Variants in KCTD16 observed in about 807,000 individuals in gnomAD.
KCTD16 encodes the protein potassium channel tetramerization domain containing 16, also known as BTB/POZ domain-containing protein KCTD16.
KCTD16 carries 13 observed loss-of-function variants against 33.2 expected under a neutral mutation model. The ratio of observed to expected loss-of-function variants is 0.39; its 90% CI spans 0.25 to 0.62. The LOEUF (loss-of-function observed/expected upper bound fraction) is 0.62, where lower values mean the gene tolerates loss of function less well. Among genes scored for constraint, KCTD16 ranks in the 20% least tolerant of loss-of-function variants. The pLI is 0.50. For missense variants in KCTD16, 441 were observed against 525.1 expected (o/e 0.84, Z 1.57); for synonymous variants, 197 against 195.3 (o/e 1.01, Z -0.07).
At chr5:144,340,091 G>A (rs781612197) in intron 3 of KCTD16, among the ~76,000 whole-genome samples, 7 of 152,094 alleles carry the variant, frequency 4.6e-5, no homozygotes, top group African/African-American at 1.7e-4. Context: ...GAAGCAGAGG[G>A]CAGGTAAGAT....
chr5:144,241,782 G>A (rs1754411204), intron 3 of KCTD16, among the ~76,000 whole-genome samples: 1 of 152,136 alleles, frequency 6.6e-6, no homozygotes, highest in South Asian at 2.1e-4. Context: ...ATTAACTCAT[G>A]TTCTTTCAAG....
intron 3 of KCTD16, among the ~76,000 whole-genome samples, chr5:144,454,994 T>C (rs1282926965): frequency 6.6e-6 from 1 of 152,098 alleles, no homozygotes; most frequent in Admixed American, 6.6e-5. Context: ...ATTGGTTTCT[T>C]AAAGCTTACA....
At chr5:144,273,901 A>G (rs1255223022) in intron 3 of KCTD16, among the ~76,000 whole-genome samples, 1 of 151,728 alleles carries the variant, frequency 6.6e-6, no homozygotes, top group Non-Finnish European at 1.5e-5. Flanking sequence ...GTTAACACAA[A>G]CTTGTATACT....
intron 3 of KCTD16, among the ~76,000 whole-genome samples, chr5:144,405,876 T>C (rs1752799998): frequency 6.6e-6 from 1 of 152,180 alleles, no homozygotes; most frequent in Non-Finnish European, 1.5e-5. Context: ...CTTTCCCAAG[T>C]AGCTATTTTA....
intron 3 of KCTD16, among the ~76,000 whole-genome samples, chr5:144,289,081 G>T (rs1755826537): frequency 6.6e-6 from 1 of 152,150 alleles, no homozygotes; most frequent in Non-Finnish European, 1.5e-5. Flanking sequence ...GGAAAGCTCA[G>T]GAATGGGATC....
chr5:144,240,984 C>T (rs949739403), intron 3 of KCTD16, among the ~76,000 whole-genome samples: 2 of 152,082 alleles, frequency 1.3e-5, no homozygotes, highest in African/African-American at 4.8e-5. Flanking sequence ...AGGATGGGAT[C>T]GAGACACCAG....
At chr5:144,327,040 T>C (rs1416731169) in intron 3 of KCTD16, among the ~76,000 whole-genome samples, 1 of 152,116 alleles carries the variant, frequency 6.6e-6, no homozygotes, top group Non-Finnish European at 1.5e-5. Context: ...AAACGATCCA[T>C]TTGGAACTTA....
At chr5:144,190,379 T>TTC (rs1752817320) in intron 2 of KCTD16, among the ~76,000 whole-genome samples, 1 of 152,234 alleles carries the variant, frequency 6.6e-6, no homozygotes, top group South Asian at 2.1e-4. Context: ...GAACCTTGGC[T>TTC]TCTCTCTCCT....
At chr5:144,234,798 A>G (rs924442666) in intron 3 of KCTD16, among the ~76,000 whole-genome samples, 109 of 152,188 alleles carry the variant, frequency 7.2e-4, no homozygotes, top group Admixed American at 7.9e-4. Context: ...TAGGTTATAC[A>G]TATATATGCA....
At chr5:144,345,995 C>T (rs1426340014) in intron 3 of KCTD16, among the ~76,000 whole-genome samples, 1 of 150,140 alleles carries the variant, frequency 6.7e-6, no homozygotes, top group Non-Finnish European at 1.5e-5. Context: ...TCCACCTCCC[C>T]CCAAGTCCCT....
chr5:144,213,095 A>G (rs759040187), intron 3 of KCTD16, among the ~76,000 whole-genome samples: 1 of 152,134 alleles, frequency 6.6e-6, no homozygotes, highest in Non-Finnish European at 1.5e-5. Flanking sequence ...TACAAAATTA[A>G]TAATTCTTTA....
intron 2 of KCTD16, among the ~76,000 whole-genome samples, chr5:144,195,548 G>A (rs979157696): frequency 6.6e-5 from 10 of 152,224 alleles, no homozygotes; most frequent in African/African-American, 2.4e-4. Context: ...AGCTGGTGGA[G>A]TCAACAAATG....
chr5:144,279,724 T>C (rs1350761141), intron 3 of KCTD16, among the ~76,000 whole-genome samples: 3 of 152,350 alleles, frequency 2.0e-5, no homozygotes, highest in South Asian at 4.1e-4. Context: ...AATGCATTCA[T>C]GAGGGCATAG....
intron 3 of KCTD16, among the ~76,000 whole-genome samples, chr5:144,399,334 A>AT (rs1187119797): frequency 6.6e-6 from 1 of 151,770 alleles, no homozygotes; most frequent in African/African-American, 2.4e-5. Context: ...TTCTTTCAAT[A>AT]TTTTTTGTGT....
At chr5:144,213,547 C>T (rs980119682) in intron 3 of KCTD16, among the ~76,000 whole-genome samples, 1 of 152,100 alleles carries the variant, frequency 6.6e-6, no homozygotes, top group Non-Finnish European at 1.5e-5. Flanking sequence ...TATGAACACA[C>T]CCTCCTCAAT....
At chr5:144,373,810 G>A (rs1752023440) in intron 3 of KCTD16, among the ~76,000 whole-genome samples, 1 of 152,178 alleles carries the variant, frequency 6.6e-6, no homozygotes, top group African/African-American at 2.4e-5. Flanking sequence ...GGTAAGATGA[G>A]GTTAGTTAGC....
chr5:144,417,119 A>C lies in KCTD16; in HGVS notation c.833-56541A>C, dbSNP rs566678340. On this transcript the variant is annotated intron_variant, in intron 3 of 3. Coordinates refer to ENST00000512467, the MANE Select transcript of KCTD16 (RefSeq NM_020768.4). ...GTACTTGTTTGAATATATACCTAAA[A>C]ATGAAATTGTAGTGTCACATGGTAA... is the stretch of plus-strand genomic sequence containing the variant. Among the ~76,000 whole-genome samples, 109 of 152,312 alleles carry C rather than the reference A, an allele frequency of 7.2e-4. 1 individual carries two copies. Among genetic ancestry groups the C allele is most frequent in the African/African-American group, 2.6e-3 (107 of 41,578 alleles).
chr5:144,399,151 G>A (rs1227029950), intron 3 of KCTD16, among the ~76,000 whole-genome samples: 1 of 152,154 alleles, frequency 6.6e-6, no homozygotes, highest in Non-Finnish European at 1.5e-5. Flanking sequence ...CAAAACGGTA[G>A]TTGTGCATAT....
chr5:144,240,071 C>G (rs753212514), intron 3 of KCTD16, among the ~76,000 whole-genome samples: 1 of 152,084 alleles, frequency 6.6e-6, no homozygotes, highest in African/African-American at 2.4e-5. Context: ...ATTAACACCT[C>G]TATTTACATG....
Sources: gnomAD v4.1 joint callset for allele counts (sites outside exome capture counted in the v4.1 genomes callset) on GRCh38, gnomAD v4.1.1 for gene constraint, MANE v1.5 for transcripts, NCBI Gene and HGNC (gene_info 2026-07-23, HGNC 2026-07-21) for gene names.